ITGA9: variants seen among roughly 807,000 people sequenced by gnomAD.
The protein encoded by ITGA9 is integrin alpha-9.
In ITGA9, 56 loss-of-function variants were observed where a neutral mutation model predicts 127.8. The observed-to-expected ratio is 0.44, with a 90% confidence interval of 0.35 to 0.55. The LOEUF (loss-of-function observed/expected upper bound fraction) is 0.55, where lower values mean the gene tolerates loss of function less well. Ranked by LOEUF, ITGA9 falls within the 20% of genes least tolerant of loss-of-function variation. The pLI is 0.00. For missense variants in ITGA9, 1,196 were observed against 1,347.1 expected, an observed-to-expected ratio of 0.89 and a Z score of 1.76; for synonymous variants, 508 against 514.5, an observed-to-expected ratio of 0.99 and a Z score of 0.17.
chr3:37,614,550 T>C (rs1383792284), intron 15 of ITGA9, among the ~76,000 whole-genome samples: 1 of 151,002 alleles, frequency 6.6e-6, no homozygotes, highest in Non-Finnish European at 1.5e-5. Flanking sequence ...ATAAATTACC[T>C]TGGGCAGTAT....
intron 15 of ITGA9, among the ~76,000 whole-genome samples, chr3:37,565,890 A>G (rs947589316): frequency 1.3e-5 from 2 of 152,184 alleles, no homozygotes; most frequent in Non-Finnish European, 2.9e-5. Flanking sequence ...CGCCAGAAAT[A>G]CTGGGGACCC....
chr3:37,805,560 A>G (rs2685074), intron 27 of ITGA9, among the ~76,000 whole-genome samples: 4 of 152,184 alleles, frequency 2.6e-5, no homozygotes, highest in Admixed American at 1.3e-4. Context: ...ATATCCCTGG[A>G]GCCAAATATT....
chr3:37,522,641 T>A (rs1318124572), intron 11 of ITGA9, among the ~76,000 whole-genome samples: 2 of 151,994 alleles, frequency 1.3e-5, no homozygotes, highest in Non-Finnish European at 2.9e-5. Flanking sequence ...GAGGATCACT[T>A]AAGCCCAGGA....
intron 15 of ITGA9, among the ~76,000 whole-genome samples, chr3:37,601,573 T>TA (rs11419374): frequency 0.015 from 2,254 of 152,308 alleles, 23 homozygotes; most frequent in African/African-American, 0.037. Flanking sequence ...AGAAGCAACT[T>TA]ACATGTAGAC....
At chr3:37,567,819 T>G (rs1483386402) in intron 15 of ITGA9, among the ~76,000 whole-genome samples, 1 of 152,198 alleles carries the variant, frequency 6.6e-6, no homozygotes, top group Non-Finnish European at 1.5e-5. Flanking sequence ...CTTGGGCAGC[T>G]CTGCGTCTGT....
intron 26 of ITGA9, among the ~76,000 whole-genome samples, chr3:37,786,585 T>C (rs1215820010): frequency 6.6e-6 from 1 of 150,972 alleles, no homozygotes; most frequent in Non-Finnish European, 1.5e-5. Context: ...GGAGTAAGAC[T>C]CCGTCTCAAA....
chr3:37,555,174 T>G (rs773760196), intron 15 of ITGA9, among the ~76,000 whole-genome samples: 1 of 152,220 alleles, frequency 6.6e-6, no homozygotes, highest in Non-Finnish European at 1.5e-5. Context: ...CTCTTTATAA[T>G]CTGGTCTGAG....
chr3:37,469,253 AC>A (rs1489536749), intron 1 of ITGA9, among the ~76,000 whole-genome samples: 1 of 152,196 alleles, frequency 6.6e-6, no homozygotes, highest in Non-Finnish European at 1.5e-5. Context: ...GATGGAGGAT[AC>A]AGAGGTTCAT....
intron 23 of ITGA9, among the ~76,000 whole-genome samples, chr3:37,758,655 G>T (rs993565469): frequency 6.7e-6 from 1 of 148,828 alleles, no homozygotes; most frequent in Non-Finnish European, 1.5e-5. Flanking sequence ...GAAACTTCAA[G>T]CTAAGTGAGG....
At chr3:37,605,968 G>A (rs1047758255) in intron 15 of ITGA9, among the ~76,000 whole-genome samples, 3 of 152,108 alleles carry the variant, frequency 2.0e-5, no homozygotes, top group African/African-American at 7.2e-5. Flanking sequence ...GACATGCTGC[G>A]AGTGTGAGGA....
At chr3:37,785,202 A>T (rs1697025265) in intron 26 of ITGA9, 124 bp downstream of exon 26, 1 of 750,852 alleles carries the variant, frequency 1.3e-6, no homozygotes, top group Non-Finnish European at 2.4e-6. Flanking sequence ...TTTGTGGCAG[A>T]CCCAAGACTA....
chr3:37,626,609 A>C (rs374417148), intron 15 of ITGA9, among the ~76,000 whole-genome samples: 1 of 152,210 alleles, frequency 6.6e-6, no homozygotes, highest in Non-Finnish European at 1.5e-5. Flanking sequence ...GCTTGAGCTT[A>C]AGAGTTCAAG....
chr3:37,710,043 T>C (rs1187880930), intron 18 of ITGA9, among the ~76,000 whole-genome samples: 1 of 152,168 alleles, frequency 6.6e-6, no homozygotes, highest in Non-Finnish European at 1.5e-5. Flanking sequence ...CAAACCAAGT[T>C]GAGTGTTGTA....
chr3:37,460,068 A>C (rs775551204), intron 1 of ITGA9, among the ~76,000 whole-genome samples: 2 of 152,112 alleles, frequency 1.3e-5, no homozygotes, highest in Non-Finnish European at 2.9e-5. Context: ...GCAATATTCC[A>C]TGTATCCCTC....
intron 18 of ITGA9, among the ~76,000 whole-genome samples, chr3:37,729,881 TG>T (rs1277617685): frequency 1.3e-5 from 2 of 152,012 alleles, no homozygotes; most frequent in African/African-American, 2.4e-5. Context: ...TTTTTATATT[TG>T]TAGTAGAAAC....
At chr3:37,615,297 T>G (rs2125628106) in intron 15 of ITGA9, among the ~76,000 whole-genome samples, 1 of 152,358 alleles carries the variant, frequency 6.6e-6, no homozygotes, top group African/African-American at 2.4e-5. Flanking sequence ...GAACCAGCCT[T>G]GCATCCCAGG....
intron 5 of ITGA9, among the ~76,000 whole-genome samples, chr3:37,501,226 G>A (rs1191821041): frequency 2.6e-5 from 4 of 152,118 alleles, no homozygotes; most frequent in Non-Finnish European, 4.4e-5. Context: ...TTCCCTGTTG[G>A]GGAAAGGAAG....
chr3:37,725,749 G>A (rs900889517), intron 18 of ITGA9, among the ~76,000 whole-genome samples: 10 of 152,206 alleles, frequency 6.6e-5, no homozygotes, highest in Non-Finnish European at 1.3e-4. Flanking sequence ...CATCCTACAC[G>A]CATCAGCAGT....
intron 4 of ITGA9, 126 bp from the exon 5 acceptor site, chr3:37,494,375 G>A (rs539108): frequency 0.53 from 386,233 of 723,312 alleles, 108,076 homozygotes; most frequent in East Asian, 0.78. Flanking sequence ...CAGTCTGGAT[G>A]GCATCCCTGG....
Sources: allele counts gnomAD v4.1 joint callset (sites outside exome capture counted in the v4.1 genomes callset), GRCh38; gene constraint gnomAD v4.1.1; transcripts MANE v1.5; gene names NCBI Gene and HGNC (gene_info 2026-07-23, HGNC 2026-07-21).